AATF: variants seen among roughly 807,000 people sequenced by gnomAD.
The protein encoded by AATF is protein AATF.
In AATF, 48 loss-of-function variants were observed where a neutral mutation model predicts 63.7. The ratio of observed to expected loss-of-function variants is 0.75; its 90% CI spans 0.60 to 0.96. The LOEUF is 0.96. AATF is among the 40% of genes least tolerant of loss of function. The pLI is 0.00. For missense variants in AATF, 639 were observed against 685.7 expected, an observed-to-expected ratio of 0.93 and a Z score of 0.76; for synonymous variants, 258 against 247.7, an observed-to-expected ratio of 1.04 and a Z score of -0.39.
At chr17:37,023,123 C>T (rs1009398899) in intron 10 of AATF, among the ~76,000 whole-genome samples, 3 of 152,124 alleles carry the variant, frequency 2.0e-5, no homozygotes, top group African/African-American at 4.8e-5. Flanking sequence ...ACAAGACTTG[C>T]GTTCAAACCC....
chr17:36,981,382 G>A (rs184170132), intron 4 of AATF, among the ~76,000 whole-genome samples: 1 of 151,910 alleles, frequency 6.6e-6, no homozygotes, highest in Non-Finnish European at 1.5e-5. Context: ...TTAGATCGTG[G>A]ACACATGGTA....
chr17:37,012,060 ATT>A (rs746656685), intron 8 of AATF, among the ~76,000 whole-genome samples: 2 of 145,326 alleles, frequency 1.4e-5, no homozygotes, highest in African/African-American at 2.5e-5. Flanking sequence ...TTTGGGGATA[ATT>A]TTTTTTTTTT....
intron 11 of AATF, chr17:37,051,266 G>A (rs2071746858): frequency 6.6e-6 from 1 of 152,300 alleles, no homozygotes; most frequent in Non-Finnish European, 1.5e-5. Flanking sequence ...GGGATGTCTT[G>A]GAGGCCTGGG....
chr17:36,985,920 C>T, intron 4 of AATF, among the ~76,000 whole-genome samples: 1 of 152,164 alleles, frequency 6.6e-6, no homozygotes, highest in East Asian at 1.9e-4. Context: ...ATTACATATG[C>T]ATCTTATTGG....
chr17:36,986,818 C>A, intron 5 of AATF, 87 bp downstream of exon 5: 1 of 1,108,218 alleles, frequency 9.0e-7, no homozygotes, highest in East Asian at 2.4e-5. Flanking sequence ...AAGTTCTCTT[C>A]AGGCAGATAT....
rs1166668511 is a variant in AATF at position 36,990,667 on chromosome 17, T to C, written c.1315-107T>C. On this transcript the variant is annotated intron_variant, in intron 7 of 11. Transcript: ENST00000619387. ...TTTTTAATTTTAAGAACTTTTTATA[T>C]CTTAAGGAAAACAGTGCTTTGACTG... 4 of 735,950 alleles carry C rather than the reference T, an allele frequency of 5.4e-6. No homozygotes were observed. In the African/African-American group the frequency reaches 7.6e-5, roughly 14 times the overall value. 45.6% of individuals were successfully genotyped at this position (735,950 alleles called of 1,614,324 possible). A position where few individuals can be genotyped will look rare whatever the true frequency, so the allele number is the denominator to read the frequency against.
Position 36,989,387 on chromosome 17 carries a change from C to A in AATF, c.1290C>A (p.Val430=). The change falls in exon 7 of 12, where the codon GTC becomes GTA. Residue 430 remains valine, a synonymous_variant. Coordinates refer to ENST00000619387, the MANE Select transcript of AATF (RefSeq NM_012138.4). The part of the protein sequence containing the change: ...LGKPEPAAQP[V]PESLPGEPEI... ...AACCTGAGCCAGCAGCTCAGCCTGTCCCAGAGAGTTTGCCAGGGGAACCGG... is the reference window on the plus strand; with the variant it reads ...AACCTGAGCCAGCAGCTCAGCCTGTACCAGAGAGTTTGCCAGGGGAACCGG... The A allele has an allele frequency of 6.2e-7, 1 of 1,612,908 alleles. No homozygotes were observed. The highest frequency in any genetic ancestry group is 8.5e-7 in the Non-Finnish European group (1 of 1,179,310).
chr17:37,053,300 T>C (rs146793839), intron 11 of AATF, among the ~76,000 whole-genome samples: 1 of 152,074 alleles, frequency 6.6e-6, no homozygotes, highest in East Asian at 1.9e-4. Context: ...TTATATCATA[T>C]TATTATATAT....
intron 10 of AATF, chr17:37,031,395 C>T (rs2071550779): frequency 7.1e-6 from 4 of 567,154 alleles, no homozygotes; most frequent in East Asian, 5.7e-5. Context: ...TTTTTGTATC[C>T]ATAGAGAGTC....
rs557663532 is a variant in AATF, at chr17:36,950,369, G to C, written c.247G>C (p.Glu83Gln). ...AACCACCTCTAGAAAAGCATGGAATGAAGACCATTGGGAGCAGACTCTGCC... is the reference window on the plus strand; with the variant it reads ...AACCACCTCTAGAAAAGCATGGAATCAAGACCATTGGGAGCAGACTCTGCC... ...GKTTSRKAWN[E>Q]DHWEQTLPGS... The change falls in exon 2 of 12, where the codon GAA (glutamate) becomes CAA (glutamine). Residue 83 changes from glutamate to glutamine, a missense_variant. By Grantham distance (29) the Glu-to-Gln change is conservative. Transcript: ENST00000619387. 7 of 1,614,202 alleles carry C rather than the reference G, an allele frequency of 4.3e-6. No individual in the cohort carries two copies. The African/African-American group carries it at 9.3e-5, about 22-fold the overall frequency.
chr17:36,954,037 TC>T, intron 4 of AATF, 130 bp downstream of exon 4: 1 of 555,486 alleles, frequency 1.8e-6, no homozygotes, highest in Non-Finnish European at 2.9e-6. Context: ...TGCTCTCCCC[TC>T]CCCATCCCCC....
At chr17:37,002,245 T>C (rs1422828258) in intron 8 of AATF, among the ~76,000 whole-genome samples, 1 of 149,456 alleles carries the variant, frequency 6.7e-6, no homozygotes, top group Non-Finnish European at 1.5e-5. Context: ...ACCAAAAAAC[T>C]ACTAGAGCTA....
At position 36,988,673 on chromosome 17, in the gene AATF, C is replaced by G. The variant is rs773644600; in HGVS notation, c.1102C>G (p.Gln368Glu). 5.4e-5 allele frequency: 87 copies of G among 1,614,040 alleles called. No individual in the cohort carries two copies. Among genetic ancestry groups the G allele is most frequent in the Non-Finnish European group, 3.9e-5 (46 of 1,179,990 alleles). ...TACAGTCTACAGGAACCGCACACTT[C>G]AGAAATGGCACGATAAGACCAAACT... ...DFTVYRNRTL[Q>E]KWHDKTKLAS... Residue 368 changes from glutamine (Q) to glutamate (E), a missense_variant, in exon 6 of 12, where the codon CAG becomes GAG. Gln to Glu is a conservative substitution (Grantham distance 29, BLOSUM62 2). Transcript: ENST00000619387.
rs968504070 is a variant in AATF at position 37,028,990 on chromosome 17, G to A, written c.1548-2624G>A. On this transcript the variant is annotated intron_variant, in intron 10 of 11. Transcript: ENST00000619387. ...ATAAGGATCATTATGTGAAACAAACGTAACAACAATTGTCTATAGGTAGAA... is the reference window on the plus strand; with the variant it reads ...ATAAGGATCATTATGTGAAACAAACATAACAACAATTGTCTATAGGTAGAA... Among the ~76,000 whole-genome samples, 7 of 152,028 alleles carry A rather than the reference G, an allele frequency of 4.6e-5. No homozygotes were observed. In the South Asian group the frequency reaches 6.2e-4, roughly 14 times the overall value.
At chr17:36,986,486 C>T in intron 4 of AATF, 131 bp from the exon 5 acceptor site, 1 of 674,832 alleles carries the variant, frequency 1.5e-6, no homozygotes, top group South Asian at 1.8e-5. Context: ...GTATTTAGTT[C>T]CTGTGTGTAT....
At chr17:36,997,192 A>C (rs982988921) in intron 8 of AATF, among the ~76,000 whole-genome samples, 1 of 152,186 alleles carries the variant, frequency 6.6e-6, no homozygotes, top group African/African-American at 2.4e-5. Flanking sequence ...CTCTTCACTA[A>C]AGTAGGCATG....
chr17:36,964,175 T>G (rs1415479024), intron 4 of AATF, among the ~76,000 whole-genome samples: 5,401 of 149,586 alleles, frequency 0.036, 358 homozygotes, highest in African/African-American at 0.13. Flanking sequence ...TTTTGCTTTT[T>G]TTTTTTTTTT....
intron 9 of AATF, among the ~76,000 whole-genome samples, chr17:37,019,702 A>G (rs535862299): frequency 5.3e-5 from 8 of 152,378 alleles, no homozygotes; most frequent in Non-Finnish European, 8.8e-5. Context: ...CATGAAAGGA[A>G]ACAAAAGCTG....
At chr17:37,049,324 C>T (rs1018061526) in intron 11 of AATF, among the ~76,000 whole-genome samples, 3 of 151,938 alleles carry the variant, frequency 2.0e-5, no homozygotes, top group South Asian at 2.1e-4. Flanking sequence ...CTGTCCAAGC[C>T]GGGCGCGGTG....
Sources: gnomAD v4.1 joint callset for allele counts (sites outside exome capture counted in the v4.1 genomes callset) on GRCh38, gnomAD v4.1.1 for gene constraint, MANE v1.5 for transcripts, NCBI Gene and HGNC (gene_info 2026-07-23, HGNC 2026-07-21) for gene names.